ADAMTS10: variants seen among roughly 807,000 people sequenced by gnomAD.
ADAMTS10 encodes the protein ADAM metallopeptidase with thrombospondin type 1 motif 10.
A neutral mutation model predicts 135.9 loss-of-function variants in ADAMTS10; 48 were observed. The ratio of observed to expected loss-of-function variants is 0.35; its 90% confidence interval spans 0.28 to 0.45. The LOEUF (loss-of-function observed/expected upper bound fraction) is 0.45, where lower values mean the gene tolerates loss of function less well. Ranked by LOEUF, ADAMTS10 falls within the 20% of genes least tolerant of loss-of-function variation. ADAMTS10 has a pLI of 1.00. For synonymous variants in ADAMTS10, 621 were observed against 647.5 expected (o/e 0.96, Z 0.62); for missense variants, 1,131 against 1,565.2 (o/e 0.72, Z 4.68).
At position 8,596,603 on chromosome 19, in the gene ADAMTS10, G is replaced by A. The variant is rs369709064; in HGVS notation, c.1041-18C>T. The A allele has an allele frequency of 3.1e-6, 5 of 1,612,268 alleles. No homozygotes were observed. Among genetic ancestry groups the A allele is most frequent in the Non-Finnish European group, 4.2e-6 (5 of 1,179,754 alleles). On this transcript the variant is annotated intron_variant, in intron 8 of 25. Transcript: ENST00000597188. This position sits in a 1 kb window ranked among gnomAD's most constrained non-coding sequence, Gnocchi z 7.2. ...TGTCATAGCTGTAAAAGGAGACAGG[G>A]TCAGTGAGGGGGCTGGGCTGTCTCC...
In ADAMTS10 at chr19:8,599,853, G is replaced by C. The variant is rs554139246; in HGVS notation, c.810+1075C>G. ...TGTACTTATTTTTTTATTTTTTTTT[G>C]AGACAGAGTCTTGCTCTGTTGCCCA... On this transcript the variant is annotated intron_variant, in intron 6 of 25. Coordinates refer to ENST00000597188, the MANE Select transcript of ADAMTS10 (RefSeq NM_030957.4). 2.6e-3 allele frequency among the ~76,000 whole-genome samples: 384 copies of C among 150,048 alleles called. 1 individual carries two copies. Among genetic ancestry groups the C allele is most frequent in the Non-Finnish European group, 1.9e-3 (126 of 67,490 alleles).
chr19:8,592,373 C>A lies in ADAMTS10; in HGVS notation c.1588-270G>T, dbSNP rs534453981. ...CGATAAGCGTGGAGACGAGGTGGGG[C>A]GTGGCTTCAGGCTGGGGAGGGGAGG... On this transcript the variant is annotated intron_variant, in intron 13 of 25. Transcript: ENST00000597188. 6.6e-5 allele frequency among the ~76,000 whole-genome samples: 10 copies of A among 151,890 alleles called. No individual in the cohort carries two copies. The East Asian group carries it at 1.9e-3, about 30-fold the overall frequency.
rs2042609594 is a variant in ADAMTS10 at position 8,596,704 on chromosome 19, T to C, written c.1041-119A>G. 1.2e-5 allele frequency: 15 copies of C among 1,279,960 alleles called. No individual in the cohort carries two copies. In the South Asian group the frequency reaches 1.9e-4, roughly 16 times the overall value. 79.3% of individuals were successfully genotyped at this position (1,279,960 alleles called of 1,614,324 possible). ...TTGGAGGCGCCATCTGCCTCTCACCTGAAGCTGCATACAGGAGTGACTGAC... is the reference window on the plus strand; with the variant it reads ...TTGGAGGCGCCATCTGCCTCTCACCCGAAGCTGCATACAGGAGTGACTGAC... On this transcript the variant is annotated intron_variant, in intron 8 of 25. Transcript: ENST00000597188. The surrounding 1 kb of genome is among the most constrained non-coding windows in gnomAD (Gnocchi z 7.2).
chr19:8,601,245 C>T lies in ADAMTS10; in HGVS notation c.593-100G>A. On this transcript the variant is annotated intron_variant, in intron 5 of 25. Coordinates refer to ENST00000597188, the MANE Select transcript of ADAMTS10 (RefSeq NM_030957.4). The surrounding 1 kb of genome is among the most constrained non-coding windows in gnomAD (Gnocchi z 4.6). ...AACCTCTGACTGGCTACCTCTCTACCCAACAGTCTGGACAGACAATTTCTG... is the reference window on the plus strand; with the variant it reads ...AACCTCTGACTGGCTACCTCTCTACTCAACAGTCTGGACAGACAATTTCTG... 1.5e-6 allele frequency: 2 copies of T among 1,314,416 alleles called. No homozygotes were observed. Among genetic ancestry groups the T allele is most frequent in the Non-Finnish European group, 2.1e-6 (2 of 943,140 alleles). 81.4% of individuals were successfully genotyped at this position (1,314,416 alleles called of 1,614,324 possible). A position where few individuals can be genotyped will look rare whatever the true frequency, so the allele number is the denominator to read the frequency against.
At chr19:8,595,601 T>C (rs2042593146) in intron 12 of ADAMTS10, 161 bp downstream of exon 12, 4 of 1,124,586 alleles carry the variant, frequency 3.6e-6, no homozygotes, top group African/African-American at 3.1e-5. Flanking sequence ...GCACACTCCA[T>C]GCACCTCTGT....
chr19:8,592,088 C>A lies in ADAMTS10; in HGVS notation c.1603G>T (p.Val535Phe). 1.2e-6 allele frequency: 2 copies of A among 1,613,754 alleles called. No individual in the cohort carries two copies. Among genetic ancestry groups the A allele is most frequent in the Non-Finnish European group, 1.7e-6 (2 of 1,179,990 alleles). ...TIDKGWCYKR[V>F]CVPFGSRPEG... ...GGGCGCGACCCAAAGGGGACACAGACCCGTTTGTAGCACCACTGGGTGGGG... is the reference window on the plus strand; with the variant it reads ...GGGCGCGACCCAAAGGGGACACAGAACCGTTTGTAGCACCACTGGGTGGGG... Residue 535 changes from valine (V) to phenylalanine (F), a missense_variant, in exon 14 of 26, where the codon GTC becomes TTC. Around this residue, in one of 3 missense-constraint regions of ADAMTS10, gnomAD observed 745 missense variants for 1,056.3 expected, o/e 0.71. Coordinates refer to ENST00000597188, the MANE Select transcript of ADAMTS10 (RefSeq NM_030957.4).
chr19:8,599,994 C>G (rs915389989), intron 6 of ADAMTS10, among the ~76,000 whole-genome samples: 1 of 151,312 alleles, frequency 6.6e-6, no homozygotes, highest in Non-Finnish European at 1.5e-5. Context: ...GCCACCACGC[C>G]CGGCTAATGT....
chr19:8,597,379 G>T, intron 6 of ADAMTS10, 62 bp from the exon 7 acceptor site: 1 of 1,469,590 alleles, frequency 6.8e-7, no homozygotes. Context: ...AAAATGAAAA[G>T]CAAAAACAAT....
At chr19:8,609,991 G>A (rs115701121) in intron 1 of ADAMTS10, among the ~76,000 whole-genome samples, 216 of 151,568 alleles carry the variant, frequency 1.4e-3, no homozygotes, top group African/African-American at 5.1e-3. Context: ...GCGCACACAC[G>A]GGACAAGACA....
chr19:8,585,579 G>T lies in ADAMTS10; in HGVS notation c.2742C>A (p.Arg914=), dbSNP rs782360001. ...GCGCCTTCTCCTCCGCGGCAGAGAC[G>T]CGGCGCTGGCACACGACCGAGCGGC... is the stretch of plus-strand genomic sequence containing the variant. ...VRSRSVVCQR[R]VSAAEEKALD... is the part of the protein sequence containing the mutation. The change falls in exon 23 of 26, where the codon CGC becomes CGA. Residue 914 remains arginine, a synonymous_variant. Transcript: ENST00000597188. 8.1e-6 allele frequency: 13 copies of T among 1,607,432 alleles called. No individual in the cohort carries two copies. The Admixed American group carries it at 1.3e-4, about 17-fold the overall frequency.
rs1555737430 is a variant in ADAMTS10 at position 8,586,899 on chromosome 19, GA to G, written c.2159-4del. On this transcript the variant is annotated splice_polypyrimidine_tract_variant and splice_region_variant and intron_variant, in intron 18 of 25. Transcript: ENST00000597188. The stretch of plus-strand genomic sequence containing the variant: ...AATCCAGACGACATCCTCGTACCCT[GA>G]ACAGCAGAGCTCAGATGTCACCCAC... The G allele has an allele frequency of 2.5e-6, 4 of 1,614,116 alleles. 1 individual carries two copies. In the South Asian group the frequency reaches 4.4e-5, roughly 18 times the overall value.
At chr19:8,599,636 C>T (rs954518168) in intron 6 of ADAMTS10, among the ~76,000 whole-genome samples, 3 of 151,756 alleles carry the variant, frequency 2.0e-5, no homozygotes, top group African/African-American at 4.8e-5. Context: ...CAGCCTACTG[C>T]GATTTATTTA....
At position 8,603,807 on chromosome 19, in the gene ADAMTS10, C is replaced by G. The variant is rs144993590; in HGVS notation, c.513G>C (p.Pro171=). 4 of 1,614,002 alleles carry G rather than the reference C, an allele frequency of 2.5e-6. No homozygotes were observed. In the East Asian group the frequency reaches 8.9e-5, roughly 36 times the overall value. Residue 171 remains proline, a synonymous_variant, in exon 5 of 26, where the codon CCG becomes CCC. Coordinates refer to ENST00000597188, the MANE Select transcript of ADAMTS10 (RefSeq NM_030957.4). Reference sequence around the variant, plus strand: ...ACACCACATGTGGTCCACTTTCCTCCGGGCTCCGAGAACCCTTGGGCCCAC... The same window carrying G: ...ACACCACATGTGGTCCACTTTCCTCGGGGCTCCGAGAACCCTTGGGCCCAC... The part of the protein sequence containing the change: ...LHGGPKGSRS[P]EESGPHVVYK...
chr19:8,590,107 G>T, intron 15 of ADAMTS10, 116 bp from the exon 16 acceptor site: 1 of 759,014 alleles, frequency 1.3e-6, no homozygotes. Context: ...GGAGGCCAGG[G>T]AGGAGGCTGT....
chr19:8,609,734 C>T (rs1232803354), intron 1 of ADAMTS10, among the ~76,000 whole-genome samples: 1 of 152,154 alleles, frequency 6.6e-6, no homozygotes, highest in African/African-American at 2.4e-5. Flanking sequence ...CCTCACTGAC[C>T]AACTCAGGGG....
At chr19:8,583,688 G>A (rs1413515953) in intron 25 of ADAMTS10, among the ~76,000 whole-genome samples, 5 of 151,594 alleles carry the variant, frequency 3.3e-5, no homozygotes, top group African/African-American at 9.7e-5. Context: ...CTCTATCAAA[G>A]AATACAAGAA....
rs2042718090 is a variant in ADAMTS10, at chr19:8,605,975, A to G, written c.-99-166T>C. 6.6e-6 allele frequency among the ~76,000 whole-genome samples: 1 copy of G among 151,678 alleles called. No homozygotes were observed. The highest frequency in any genetic ancestry group is 2.1e-4 in the South Asian group (1 of 4,808). ...CACCTCCCCTTCCAATCCTTCCTAC[A>G]CTCCTACAAGAGGACAGACAGGGAC... On this transcript the variant is annotated intron_variant, in intron 2 of 25. Transcript: ENST00000597188. The surrounding 1 kb of genome is among the most constrained non-coding windows in gnomAD (Gnocchi z 7.7).
At chr19:8,597,549 C>T (rs957176278) in intron 6 of ADAMTS10, among the ~76,000 whole-genome samples, 4 of 152,018 alleles carry the variant, frequency 2.6e-5, no homozygotes, top group Admixed American at 1.3e-4. Context: ...CCTGCCTGGC[C>T]TCCCATAGGG....
chr19:8,584,140 G>A (rs553605566), intron 25 of ADAMTS10, among the ~76,000 whole-genome samples: 27 of 124,878 alleles, frequency 2.2e-4, no homozygotes, highest in Non-Finnish European at 4.1e-4. Context: ...CTGGGTGACA[G>A]CGAGACTCCA....
Sources: gnomAD v4.1 joint callset for allele counts (sites outside exome capture counted in the v4.1 genomes callset) on GRCh38, gnomAD v4.1.1 for gene constraint, gnomAD v4.1.1 regional missense constraint, Gnocchi (gnomAD v3.1) non-coding constraint, MANE v1.5 for transcripts, NCBI Gene and HGNC (gene_info 2026-07-23, HGNC 2026-07-21) for gene names.